Variants in POU1F1 observed in about 807,000 individuals in gnomAD.
POU1F1 encodes the protein POU class 1 homeobox 1, also known as pituitary-specific positive transcription factor 1.
In POU1F1, 23 loss-of-function variants were observed where a neutral mutation model predicts 32.3. The observed-to-expected ratio is 0.71, with a 90% confidence interval of 0.51 to 1.01. POU1F1 has a LOEUF of 1.01. Ranked by LOEUF, POU1F1 falls within the 50% of genes least tolerant of loss-of-function variation. The pLI is 0.00. For missense variants in POU1F1, 323 were observed against 341.6 expected, an observed-to-expected ratio of 0.95 and a Z score of 0.43; for synonymous variants, 120 against 115.6, an observed-to-expected ratio of 1.04 and a Z score of -0.25.
At chr3:87,268,520 G>A (rs1706668813) in intron 2 of POU1F1, among the ~76,000 whole-genome samples, 1 of 152,128 alleles carries the variant, frequency 6.6e-6, no homozygotes, top group Non-Finnish European at 1.5e-5. Context: ...ACAGCCAAAC[G>A]AACCTCTGTT....
chr3:87,276,442 A>T lies in POU1F1; in HGVS notation c.21T>A (p.Thr7=). 1 of 1,613,936 alleles carries T rather than the reference A, an allele frequency of 6.2e-7. No individual in the cohort carries two copies. Among genetic ancestry groups the T allele is most frequent in the Non-Finnish European group, 8.5e-7 (1 of 1,179,892 alleles). The change falls in exon 1 of 6, where the codon ACT becomes ACA. Residue 7 remains threonine, a synonymous_variant. Transcript: ENST00000350375. MSCQAF[T]SADTFIPLNS... The stretch of plus-strand genomic sequence containing the variant: ...TCAGAGGTATAAAGGTATCAGCCGA[A>T]GTAAAAGCTTGGCAACTCATTCCCA...
intron 5 of POU1F1, among the ~76,000 whole-genome samples, chr3:87,260,843 ATTAAG>A (rs1471121618): frequency 4.0e-5 from 6 of 150,916 alleles, no homozygotes; most frequent in East Asian, 1.9e-4. Flanking sequence ...ATTTCTCAAA[ATTAAG>A]TTATTACATT....
intron 2 of POU1F1, among the ~76,000 whole-genome samples, chr3:87,269,367 C>T (rs974503516): frequency 1.3e-5 from 2 of 152,094 alleles, no homozygotes; most frequent in Admixed American, 1.3e-4. Flanking sequence ...TGGTTCTTTA[C>T]AGAAAAGGGT....
At chr3:87,273,534 T>C in intron 1 of POU1F1, 116 bp from the exon 2 acceptor site, 1 of 1,509,754 alleles carries the variant, frequency 6.6e-7, no homozygotes, top group Non-Finnish European at 8.9e-7. Flanking sequence ...GACACATTCG[T>C]TTTATTTCAA....
intron 5 of POU1F1, among the ~76,000 whole-genome samples, chr3:87,260,383 G>A (rs1264704971): frequency 6.6e-6 from 1 of 152,054 alleles, no homozygotes; most frequent in Non-Finnish European, 1.5e-5. Flanking sequence ...GCCACCAGAG[G>A]GCACTGAGTT....
chr3:87,260,222 C>T, intron 5 of POU1F1, 118 bp from the exon 6 acceptor site: 1 of 763,914 alleles, frequency 1.3e-6, no homozygotes, highest in Non-Finnish European at 2.2e-6. Context: ...AACTTAAAAA[C>T]TCTGAACACA....
intron 5 of POU1F1, among the ~76,000 whole-genome samples, chr3:87,260,862 ATTATTTT>A (rs1257056029): frequency 3.5e-5 from 5 of 142,286 alleles, no homozygotes; most frequent in Admixed American, 7.4e-5. Flanking sequence ...TTACATTATT[ATTATTTT>A]TTTTTTATTT....
intron 1 of POU1F1, among the ~76,000 whole-genome samples, chr3:87,276,048 T>A (rs1248954729): frequency 6.6e-6 from 1 of 152,166 alleles, no homozygotes; most frequent in African/African-American, 2.4e-5. Flanking sequence ...ATTTAAAATG[T>A]CCAAGTTCAT....
At position 87,264,482 on chromosome 3, in the gene POU1F1, G is replaced by A. The variant is rs1706579241; in HGVS notation, c.245C>T (p.Pro82Leu). 3 of 1,611,406 alleles carry A rather than the reference G, an allele frequency of 1.9e-6. No homozygotes were observed. Among genetic ancestry groups the A allele is most frequent in the Non-Finnish European group, 2.5e-6 (3 of 1,177,776 alleles). ...AAATCCATGACTCAAGGTGTGGTCA[G>A]GAAATTTATAAAGACAAGGGGTTAA... ...GSLTPCLYKF[P>L]DHTLSHGFPP... Residue 82 changes from proline (P) to leucine (L), a missense_variant, in exon 3 of 6, where the codon CCT becomes CTT. Coordinates refer to ENST00000350375, the MANE Select transcript of POU1F1 (RefSeq NM_000306.4).
intron 2 of POU1F1, among the ~76,000 whole-genome samples, chr3:87,266,306 T>C (rs1465918749): frequency 1.4e-5 from 2 of 146,894 alleles, no homozygotes; most frequent in Admixed American, 6.8e-5. Flanking sequence ...TAATTTAATG[T>C]ATTATTTATA....
chr3:87,267,087 T>C (rs191672479), intron 2 of POU1F1, among the ~76,000 whole-genome samples: 110 of 152,242 alleles, frequency 7.2e-4, no homozygotes, highest in African/African-American at 2.6e-3. Flanking sequence ...TATAAAAAAT[T>C]TGTGTGTTTT....
intron 2 of POU1F1, among the ~76,000 whole-genome samples, chr3:87,265,308 T>G (rs1706597584): frequency 6.6e-6 from 1 of 152,078 alleles, no homozygotes; most frequent in South Asian, 2.1e-4. Flanking sequence ...TTATATATGA[T>G]AAGTGATTAC....
Position 87,274,199 on chromosome 3 carries a change from C to T in POU1F1, c.143-781G>A, listed in dbSNP as rs1020878500. The stretch of plus-strand genomic sequence containing the variant: ...CCATAAAGCCGTACATAAACATAAC[C>T]GTTCATAAATGGTTATATGCTTCAG... On this transcript the variant is annotated intron_variant, in intron 1 of 5. Coordinates refer to ENST00000350375, the MANE Select transcript of POU1F1 (RefSeq NM_000306.4). Among the ~76,000 whole-genome samples, 5 of 152,106 alleles carry T rather than the reference C, an allele frequency of 3.3e-5. No individual in the cohort carries two copies. The South Asian group carries it at 6.2e-4, about 19-fold the overall frequency.
At position 87,260,011 on chromosome 3, in the gene POU1F1, C is replaced by T. The variant is rs896429441; in HGVS notation, c.759G>A (p.Leu253=). Residue 253 remains leucine (L), a synonymous_variant, in exon 6 of 6, where the codon CTG becomes CTA. Transcript: ENST00000350375. ...EIMRMAEELN[L]EKEVVRVWFC... ...ACCAAACTCTTACTACTTCTTTCTCCAGATTCAGTTCTTCAGCCATCCTCA... is the reference window on the plus strand; with the variant it reads ...ACCAAACTCTTACTACTTCTTTCTCTAGATTCAGTTCTTCAGCCATCCTCA... 6.2e-7 allele frequency: 1 copy of T among 1,613,958 alleles called. No individual in the cohort carries two copies. The highest frequency in any genetic ancestry group is 1.3e-5 in the African/African-American group (1 of 74,902).
At chr3:87,273,185 G>T (rs1706758908) in intron 2 of POU1F1, among the ~76,000 whole-genome samples, 162 bp downstream of exon 2, 1 of 151,648 alleles carries the variant, frequency 6.6e-6, no homozygotes, top group Non-Finnish European at 1.5e-5. Flanking sequence ...GGTCTCTGTG[G>T]GTGTCACAGA....
chr3:87,268,239 C>T (rs1403302274), intron 2 of POU1F1, among the ~76,000 whole-genome samples: 4 of 150,972 alleles, frequency 2.6e-5, no homozygotes, highest in Admixed American at 6.6e-5. Context: ...CCACCACACC[C>T]GGCTAATTTT....
chr3:87,272,493 T>C lies in POU1F1; in HGVS notation c.214+854A>G, dbSNP rs141909305. ...AAATCCTGCGCATAATAAAACTGTG[T>C]ACTTTTTAAAAACAATTAAAATCTT... On this transcript the variant is annotated intron_variant, in intron 2 of 5. Coordinates refer to ENST00000350375, the MANE Select transcript of POU1F1 (RefSeq NM_000306.4). 7.2e-5 allele frequency among the ~76,000 whole-genome samples: 11 copies of C among 152,296 alleles called. No homozygotes were observed. In the East Asian group the frequency reaches 2.1e-3, roughly 29 times the overall value.
chr3:87,276,083 T>G (rs764204264), intron 1 of POU1F1, among the ~76,000 whole-genome samples: 10 of 152,162 alleles, frequency 6.6e-5, no homozygotes, highest in Non-Finnish European at 1.3e-4. Context: ...GAAAACAGAT[T>G]TTCTTCCTTA....
At chr3:87,273,235 A>G (rs1313927634) in intron 2 of POU1F1, 112 bp downstream of exon 2, 3 of 1,182,312 alleles carry the variant, frequency 2.5e-6, no homozygotes, top group Non-Finnish European at 3.6e-6. Context: ...AGTAATTTTC[A>G]AAGTTAAGAA....
Sources: allele counts gnomAD v4.1 joint callset (sites outside exome capture counted in the v4.1 genomes callset), GRCh38; gene constraint gnomAD v4.1.1; transcripts MANE v1.5; gene names NCBI Gene and HGNC (gene_info 2026-07-23, HGNC 2026-07-21).